Variants in PLCB1 observed in about 807,000 individuals in gnomAD.
The protein encoded by PLCB1 is phospholipase C beta 1, also known as 1-phosphatidylinositol 4,5-bisphosphate phosphodiesterase beta-1.
In PLCB1, 46 loss-of-function variants were observed where a neutral mutation model predicts 161.8. The ratio of observed to expected loss-of-function variants is 0.28; its 90% CI spans 0.22 to 0.36. PLCB1 has a LOEUF of 0.36. Among genes scored for constraint, PLCB1 ranks in the 10% least tolerant of loss-of-function variants. PLCB1 has a pLI of 1.00. For synonymous variants in PLCB1, 517 were observed against 503.7 expected (o/e 1.03, Z -0.35); for missense variants, 1,016 against 1,472.5 (o/e 0.69, Z 5.07).
intron 11 of PLCB1, among the ~76,000 whole-genome samples, chr20:8,706,207 A>T (rs1330567219): frequency 6.6e-6 from 1 of 152,248 alleles, no homozygotes; most frequent in African/African-American, 2.4e-5. Context: ...AAATGGCTGG[A>T]CAACAACATG....
chr20:8,461,569 A>G (rs1981577875), intron 3 of PLCB1, among the ~76,000 whole-genome samples: 1 of 152,156 alleles, frequency 6.6e-6, no homozygotes, highest in Admixed American at 6.5e-5. Context: ...TGGTTATTTC[A>G]GCATGAATTT....
At chr20:8,240,842 A>G (rs531670388) in intron 2 of PLCB1, among the ~76,000 whole-genome samples, 1 of 152,122 alleles carries the variant, frequency 6.6e-6, no homozygotes, top group South Asian at 2.1e-4. Context: ...AAAGAAGAAA[A>G]TAATGTATAT....
At chr20:8,757,291 G>C in intron 24 of PLCB1, 113 bp downstream of exon 24, 1 of 1,131,282 alleles carries the variant, frequency 8.8e-7, no homozygotes, top group South Asian at 2.1e-5. Flanking sequence ...GGAAAGATGT[G>C]TGGACTTAGG....
chr20:8,283,883 T>C (rs1366366640), intron 2 of PLCB1, among the ~76,000 whole-genome samples: 2 of 152,122 alleles, frequency 1.3e-5, no homozygotes, highest in Non-Finnish European at 2.9e-5. Flanking sequence ...GTTTAAATTT[T>C]CTCTATATGA....
chr20:8,155,265 T>C (rs2051547302), intron 2 of PLCB1, among the ~76,000 whole-genome samples: 1 of 152,208 alleles, frequency 6.6e-6, no homozygotes, highest in African/African-American at 2.4e-5. Flanking sequence ...TTTAAATTTA[T>C]ACCTGCATAT....
At chr20:8,526,001 G>T (rs1291164914) in intron 3 of PLCB1, among the ~76,000 whole-genome samples, 1 of 152,010 alleles carries the variant, frequency 6.6e-6, no homozygotes, top group Non-Finnish European at 1.5e-5. Flanking sequence ...TGAAAGAATA[G>T]TTGTTACTTT....
chr20:8,425,077 G>A (rs1703636), intron 3 of PLCB1, among the ~76,000 whole-genome samples: 58,137 of 151,110 alleles, frequency 0.38, 11,601 homozygotes, highest in African/African-American at 0.48. Context: ...TCACACTCCC[G>A]TGCAAACATC....
At chr20:8,234,965 AAC>A (rs2123191766) in intron 2 of PLCB1, among the ~76,000 whole-genome samples, 2 of 152,228 alleles carry the variant, frequency 1.3e-5, no homozygotes, top group South Asian at 4.1e-4. Context: ...GGGGTTCAGA[AAC>A]ACATAGTGAA....
chr20:8,148,093 C>T (rs1038610968), intron 1 of PLCB1, among the ~76,000 whole-genome samples: 3 of 151,964 alleles, frequency 2.0e-5, no homozygotes, highest in African/African-American at 7.3e-5. Context: ...GTCAGATGCT[C>T]TGATAAGAAA....
intron 31 of PLCB1, among the ~76,000 whole-genome samples, chr20:8,845,645 CAA>C (rs889125230): frequency 6.6e-6 from 1 of 151,844 alleles, no homozygotes. Flanking sequence ...ACAACTATAT[CAA>C]GGGTTTTTTT....
intron 31 of PLCB1, among the ~76,000 whole-genome samples, chr20:8,804,455 AAAAT>A (rs1380598888): frequency 6.6e-6 from 1 of 152,200 alleles, no homozygotes; most frequent in Non-Finnish European, 1.5e-5. Flanking sequence ...AGATGACATA[AAAAT>A]AAATATTTCA....
intron 9 of PLCB1, among the ~76,000 whole-genome samples, chr20:8,665,723 A>AC (rs1437680406): frequency 2.6e-5 from 4 of 152,134 alleles, no homozygotes; most frequent in South Asian, 2.1e-4. Flanking sequence ...TTTTTCCAGC[A>AC]CCATTTCGCT....
intron 3 of PLCB1, among the ~76,000 whole-genome samples, chr20:8,482,559 T>C (rs541016077): frequency 5.6e-4 from 86 of 152,310 alleles, no homozygotes; most frequent in African/African-American, 1.9e-3. Context: ...CCCCTCTTTA[T>C]TGAAAGTACT....
chr20:8,213,456 G>T (rs1426291799), intron 2 of PLCB1, among the ~76,000 whole-genome samples: 1 of 152,098 alleles, frequency 6.6e-6, no homozygotes, highest in Non-Finnish European at 1.5e-5. Context: ...TTTGAAATCA[G>T]AGACATACAA....
At chr20:8,539,693 TTTCCTTCCTTCCTTC>T (rs1568499575) in intron 3 of PLCB1, among the ~76,000 whole-genome samples, 18 of 101,118 alleles carry the variant, frequency 1.8e-4, no homozygotes, top group East Asian at 6.2e-4. Flanking sequence ...TCTTTTTCTT[TTTCCTTCCTTCCTTC>T]CTTTCTTTTC....
chr20:8,582,435 A>C (rs12624339), intron 3 of PLCB1, among the ~76,000 whole-genome samples: 1 of 152,024 alleles, frequency 6.6e-6, no homozygotes, highest in Non-Finnish European at 1.5e-5. Flanking sequence ...CCGTGGTACC[A>C]TTCATACTCC....
At chr20:8,609,914 T>C (rs187558998) in intron 3 of PLCB1, among the ~76,000 whole-genome samples, 12 of 152,332 alleles carry the variant, frequency 7.9e-5, no homozygotes, top group African/African-American at 2.9e-4. Context: ...TGCACACCAA[T>C]AAATTAACCC....
At chr20:8,663,117 T>C (rs974002291) in intron 9 of PLCB1, among the ~76,000 whole-genome samples, 3 of 151,996 alleles carry the variant, frequency 2.0e-5, no homozygotes, top group Non-Finnish European at 4.4e-5. Context: ...ATATAGCCTA[T>C]ACTTGTTATA....
intron 31 of PLCB1, among the ~76,000 whole-genome samples, chr20:8,832,623 G>A (rs900614231): frequency 6.6e-6 from 1 of 152,184 alleles, no homozygotes; most frequent in African/African-American, 2.4e-5. Context: ...TAACTCTTGA[G>A]CCAGATTATA....
Sources: gnomAD v4.1 joint callset for allele counts (sites outside exome capture counted in the v4.1 genomes callset) on GRCh38, gnomAD v4.1.1 for gene constraint, MANE v1.5 for transcripts, NCBI Gene and HGNC (gene_info 2026-07-23, HGNC 2026-07-21) for gene names.